ZRANB3: variants seen among roughly 807,000 people sequenced by gnomAD.
The protein encoded by ZRANB3 is zinc finger RANBP2-type containing 3, also known as DNA annealing helicase and endonuclease ZRANB3.
Under a neutral mutation model 133.8 loss-of-function variants are expected in ZRANB3, and 125 were observed. The observed-to-expected ratio is 0.93, with a 90% CI of 0.81 to 1.08. The LOEUF is 1.08. Ranked by LOEUF, ZRANB3 falls within the 50% of genes least tolerant of loss-of-function variation. The pLI is 0.00. For missense variants in ZRANB3, 1,229 were observed against 1,275.5 expected (o/e 0.96, Z 0.56); for synonymous variants, 387 against 432.7 (o/e 0.89, Z 1.31).
chr2:135,380,796 C>T (rs1384969056), intron 3 of ZRANB3, among the ~76,000 whole-genome samples: 2 of 152,060 alleles, frequency 1.3e-5, no homozygotes, highest in African/African-American at 4.8e-5. Flanking sequence ...TAGCAGAAGG[C>T]AAGAAATAAC....
In ZRANB3 at chr2:135,438,417, A is replaced by G. The variant is rs948016288; in HGVS notation, c.162-47597T>C. Among the ~76,000 whole-genome samples the G allele has an allele frequency of 6.6e-5, 10 of 151,840 alleles. No homozygotes were observed. The East Asian group carries it at 1.9e-3, about 29-fold the overall frequency. ...CTACTCAGAAGACTGAGGCAGGAGA[A>G]TCGCTTGAACCCAGGAGGCAGAGGG... On this transcript the variant is annotated intron_variant, in intron 2 of 20. Coordinates refer to ENST00000264159, the MANE Select transcript of ZRANB3 (RefSeq NM_032143.4).
At chr2:135,343,523 C>A (rs959998404) in intron 6 of ZRANB3, among the ~76,000 whole-genome samples, 1 of 149,206 alleles carries the variant, frequency 6.7e-6, no homozygotes, top group African/African-American at 2.6e-5. Context: ...AGAATTCTAT[C>A]TTTGTACTTT....
At chr2:135,324,113 G>T (rs1454908774) in intron 6 of ZRANB3, among the ~76,000 whole-genome samples, 1 of 151,636 alleles carries the variant, frequency 6.6e-6, no homozygotes, top group Non-Finnish European at 1.5e-5. Context: ...TAAGTTCTAG[G>T]GTACATGTGC....
intron 6 of ZRANB3, among the ~76,000 whole-genome samples, chr2:135,332,590 T>C (rs757389814): frequency 9.9e-5 from 15 of 152,140 alleles, no homozygotes; most frequent in Non-Finnish European, 4.4e-5. Flanking sequence ...TGGCTTCTAG[T>C]TCCCTCTTAG....
At chr2:135,291,147 C>G (rs965254366) in intron 8 of ZRANB3, among the ~76,000 whole-genome samples, 2 of 149,344 alleles carry the variant, frequency 1.3e-5, no homozygotes. Context: ...CAGGCGTGAG[C>G]CACTGCGCCT....
At chr2:135,314,751 T>TC (rs1683172888) in intron 7 of ZRANB3, among the ~76,000 whole-genome samples, 1 of 149,328 alleles carries the variant, frequency 6.7e-6, no homozygotes, top group South Asian at 2.4e-4. Flanking sequence ...TATTTAGAAT[T>TC]CTTTTTTTTT....
chr2:135,407,737 T>C (rs913302655), intron 2 of ZRANB3, among the ~76,000 whole-genome samples: 6 of 151,262 alleles, frequency 4.0e-5, no homozygotes, highest in African/African-American at 1.5e-4. Flanking sequence ...ATTCCCTATT[T>C]AATAAATGGT....
Position 135,230,838 on chromosome 2 carries a change from CTT to C in ZRANB3, c.1627_1628del (p.Lys543GlufsTer25), listed in dbSNP as rs1558846672. 1.2e-6 allele frequency: 2 copies of C among 1,613,064 alleles called. No homozygotes were observed. The highest frequency in any genetic ancestry group is 8.5e-7 in the Non-Finnish European group (1 of 1,179,618). ...CTACAGTATTTTCCTCCCGGAATCT[CTT>C]TGATTCGTCACAGGAGGTCATCAAC... ...RQLMTSCDES[K>X]RFREENTVVS... On this transcript the variant is annotated frameshift_variant, in exon 13 of 21. Transcript: ENST00000264159. LOFTEE classifies it high-confidence loss of function.
intron 8 of ZRANB3, among the ~76,000 whole-genome samples, chr2:135,284,557 C>T (rs1270526914): frequency 3.3e-5 from 5 of 152,190 alleles, no homozygotes; most frequent in East Asian, 1.9e-4. Context: ...CTGCAAGCTC[C>T]GCCTCCCGGG....
chr2:135,316,296 T>C lies in ZRANB3; in HGVS notation c.678-766A>G, dbSNP rs115301039. On this transcript the variant is annotated intron_variant, in intron 6 of 20. Coordinates refer to ENST00000264159, the MANE Select transcript of ZRANB3 (RefSeq NM_032143.4). ...ATTAGAAGCTCAAAGCACCAAGTAC[T>C]GTGAACAAATGTTAACAGAAGGGTT... Among the ~76,000 whole-genome samples, 456 of 152,298 alleles carry C rather than the reference T, an allele frequency of 3.0e-3. 2 individuals are homozygous for C. Among genetic ancestry groups the C allele is most frequent in the African/African-American group, 0.01 (429 of 41,568 alleles).
chr2:135,243,541 G>A (rs889241003), intron 12 of ZRANB3, among the ~76,000 whole-genome samples: 24 of 152,098 alleles, frequency 1.6e-4, no homozygotes, highest in Non-Finnish European at 2.5e-4. Flanking sequence ...ATTAATTAAG[G>A]AATCTTTCTT....
In ZRANB3 at chr2:135,371,191, G is replaced by C. The variant is rs192543170; in HGVS notation, c.181-17563C>G. 7.2e-5 allele frequency among the ~76,000 whole-genome samples: 11 copies of C among 152,212 alleles called. No individual in the cohort carries two copies. The East Asian group carries it at 2.1e-3, about 29-fold the overall frequency. On this transcript the variant is annotated intron_variant, in intron 3 of 20. Coordinates refer to ENST00000264159, the MANE Select transcript of ZRANB3 (RefSeq NM_032143.4). ...CTCAAAAAGGAAAAGGAGGTTACAG[G>C]GTGGGATTTAATTTTAACCATTCTT...
intron 2 of ZRANB3, among the ~76,000 whole-genome samples, chr2:135,434,861 T>C (rs1689465831): frequency 6.6e-6 from 1 of 152,208 alleles, no homozygotes; most frequent in Non-Finnish European, 1.5e-5. Flanking sequence ...CATTATCTGA[T>C]TGTGTTTTCT....
chr2:135,466,103 C>A (rs957486284), intron 2 of ZRANB3, among the ~76,000 whole-genome samples: 1 of 152,126 alleles, frequency 6.6e-6, no homozygotes, highest in Admixed American at 6.5e-5. Context: ...AATGGATGGG[C>A]CAGGCGTGGT....
At chr2:135,488,425 C>T (rs1692218288) in intron 2 of ZRANB3, among the ~76,000 whole-genome samples, 1 of 151,878 alleles carries the variant, frequency 6.6e-6, no homozygotes, top group Admixed American at 6.6e-5. Context: ...GTAAAAACCA[C>T]AATATATGCA....
chr2:135,319,536 T>G (rs775538379), intron 6 of ZRANB3, among the ~76,000 whole-genome samples: 1 of 149,652 alleles, frequency 6.7e-6, no homozygotes, highest in Non-Finnish European at 1.5e-5. Context: ...TAATCAAATT[T>G]GAAAAAAATC....
intron 17 of ZRANB3, among the ~76,000 whole-genome samples, chr2:135,215,670 A>T (rs1694276166): frequency 6.6e-6 from 1 of 152,070 alleles, no homozygotes; most frequent in Admixed American, 6.5e-5. Flanking sequence ...TCATTCATTC[A>T]TTTGTGATTC....
chr2:135,404,437 A>T (rs1431568287), intron 2 of ZRANB3, among the ~76,000 whole-genome samples: 4 of 152,324 alleles, frequency 2.6e-5, no homozygotes, highest in African/African-American at 9.6e-5. Flanking sequence ...GCCTCCAAGA[A>T]ATATGGGACT....
Position 135,313,622 on chromosome 2 carries a change from A to G in ZRANB3, c.850-17T>C, listed in dbSNP as rs770424014. 6 of 1,514,814 alleles carry G rather than the reference A, an allele frequency of 4.0e-6. No homozygotes were observed. The Admixed American group carries it at 1.0e-4, about 26-fold the overall frequency. 93.8% of individuals were successfully genotyped at this position (1,514,814 alleles called of 1,614,324 possible). ...ATTCAATTCCTATGTGGGAAAAAAT[A>G]ACACTGTTTATGAATATAGCATAAC... On this transcript the variant is annotated splice_polypyrimidine_tract_variant and intron_variant, in intron 7 of 20. Transcript: ENST00000264159.
Sources: gnomAD v4.1 joint callset for allele counts (sites outside exome capture counted in the v4.1 genomes callset) on GRCh38, gnomAD v4.1.1 for gene constraint, MANE v1.5 for transcripts, NCBI Gene and HGNC (gene_info 2026-07-23, HGNC 2026-07-21) for gene names.